TMEM51: variants seen among roughly 807,000 people sequenced by gnomAD.
TMEM51 encodes transmembrane protein 51.
In TMEM51, 8 loss-of-function variants were observed where a neutral mutation model predicts 13.6. The observed-to-expected ratio is 0.59, with a 90% CI of 0.35 to 1.07. TMEM51 has a LOEUF of 1.07. Ranked by LOEUF, TMEM51 falls within the 50% of genes least tolerant of loss-of-function variation. The pLI is 0.02. For synonymous variants in TMEM51, 147 were observed against 144.4 expected (o/e 1.02, Z -0.13); for missense variants, 279 against 330.7 (o/e 0.84, Z 1.21).
chr1:15,169,806 C>G (rs538341097), intron 1 of TMEM51, among the ~76,000 whole-genome samples: 2 of 152,198 alleles, frequency 1.3e-5, no homozygotes, highest in Middle Eastern at 3.4e-3. Context: ...ACGAAGCTGT[C>G]CATTTTTTAT....
intron 1 of TMEM51, among the ~76,000 whole-genome samples, chr1:15,184,241 G>T (rs1439360529): frequency 6.6e-6 from 1 of 152,192 alleles, no homozygotes; most frequent in Non-Finnish European, 1.5e-5. Flanking sequence ...TGGCCAGGAT[G>T]ATCTTGATCT....
At chr1:15,171,802 C>T (rs754051385) in intron 1 of TMEM51, among the ~76,000 whole-genome samples, 3 of 152,160 alleles carry the variant, frequency 2.0e-5, no homozygotes, top group African/African-American at 4.8e-5. Flanking sequence ...CAGTCCTTGC[C>T]GCGGAACCTC....
At chr1:15,210,342 G>T (rs1225447670) in intron 1 of TMEM51, 148 bp from the exon 2 acceptor site, 1 of 152,002 alleles carries the variant, frequency 6.6e-6, no homozygotes, top group Admixed American at 6.6e-5. Context: ...GCTTCTTCTG[G>T]TACCACTTGT....
chr1:15,210,922 A>G (rs1198961703), intron 2 of TMEM51, among the ~76,000 whole-genome samples: 2 of 152,230 alleles, frequency 1.3e-5, no homozygotes, highest in Non-Finnish European at 2.9e-5. Context: ...TACAGACCCC[A>G]TAGACCCATC....
chr1:15,181,897 C>T (rs547444252), intron 1 of TMEM51, among the ~76,000 whole-genome samples: 228 of 152,200 alleles, frequency 1.5e-3, no homozygotes, highest in African/African-American at 5.3e-3. Flanking sequence ...TGGTGTCTCA[C>T]GCCTGTTAAT....
intron 1 of TMEM51, among the ~76,000 whole-genome samples, chr1:15,191,637 G>A (rs1159499540): frequency 6.6e-6 from 1 of 152,200 alleles, no homozygotes; most frequent in African/African-American, 2.4e-5. Context: ...GAGCACGGCT[G>A]TGAGATGACT....
chr1:15,160,449 T>C (rs1421478379), intron 1 of TMEM51, among the ~76,000 whole-genome samples: 1 of 152,056 alleles, frequency 6.6e-6, no homozygotes, highest in African/African-American at 2.4e-5. Flanking sequence ...AATTTTTGTA[T>C]TTTTAATAGA....
At chr1:15,165,805 C>T (rs1262900041) in intron 1 of TMEM51, among the ~76,000 whole-genome samples, 1 of 152,094 alleles carries the variant, frequency 6.6e-6, no homozygotes, top group South Asian at 2.1e-4. Context: ...TTGATGAATA[C>T]TGATGATACG....
intron 1 of TMEM51, among the ~76,000 whole-genome samples, chr1:15,155,857 G>A (rs542321157): frequency 4.6e-5 from 7 of 152,288 alleles, no homozygotes; most frequent in Admixed American, 1.3e-4. Flanking sequence ...GGAGAAAGAC[G>A]TCCCTTTCAT....
chr1:15,210,711 G>A (rs1392140033), intron 2 of TMEM51, 149 bp downstream of exon 2: 3 of 152,268 alleles, frequency 2.0e-5, no homozygotes, highest in African/African-American at 4.8e-5. Context: ...CAGGACCCCA[G>A]ACTGCCCACC....
rs1573440615 is a variant in TMEM51, at chr1:15,205,562, G to A, written c.-266-4928G>A. Among the ~76,000 whole-genome samples the A allele has an allele frequency of 2.0e-5, 3 of 152,120 alleles. No individual in the cohort carries two copies. In the East Asian group the frequency reaches 5.8e-4, roughly 29 times the overall value. On this transcript the variant is annotated intron_variant, in intron 1 of 3. Coordinates refer to ENST00000376008, the MANE Select transcript of TMEM51 (RefSeq NM_001136218.2). ...TTCTTTTTGGAAGCTCTTCAGACAC[G>A]CTCCATTTTGGCAGTGCTACTTGGT...
At chr1:15,181,448 A>G (rs1160879560) in intron 1 of TMEM51, among the ~76,000 whole-genome samples, 3 of 152,180 alleles carry the variant, frequency 2.0e-5, no homozygotes, top group Non-Finnish European at 4.4e-5. Flanking sequence ...AACTACATCC[A>G]GGGACTCTTA....
At chr1:15,195,264 C>A (rs1644025256) in intron 1 of TMEM51, among the ~76,000 whole-genome samples, 1 of 152,040 alleles carries the variant, frequency 6.6e-6, no homozygotes, top group African/African-American at 2.4e-5. Context: ...TTCCTGGCAA[C>A]CACATCTTTT....
At chr1:15,176,300 C>T (rs1474350379) in intron 1 of TMEM51, among the ~76,000 whole-genome samples, 1 of 152,180 alleles carries the variant, frequency 6.6e-6, no homozygotes, top group Non-Finnish European at 1.5e-5. Context: ...AGTGAGAACA[C>T]AGGTGTTCAG....
intron 1 of TMEM51, among the ~76,000 whole-genome samples, chr1:15,204,843 A>C (rs1399290918): frequency 6.6e-6 from 1 of 151,896 alleles, no homozygotes; most frequent in African/African-American, 2.4e-5. Flanking sequence ...GGACTAGAGT[A>C]CTGGGGGTCT....
intron 1 of TMEM51, among the ~76,000 whole-genome samples, chr1:15,160,839 C>A (rs1019073471): frequency 6.6e-6 from 1 of 151,892 alleles, no homozygotes; most frequent in Non-Finnish European, 1.5e-5. Context: ...AGCCCAGGAA[C>A]GAGGGAGAGT....
At chr1:15,218,860 A>G (rs1328824594) in intron 3 of TMEM51, among the ~76,000 whole-genome samples, 1 of 152,074 alleles carries the variant, frequency 6.6e-6, no homozygotes, top group Non-Finnish European at 1.5e-5. Flanking sequence ...CCCACCCCTT[A>G]ATTTGCATGT....
intron 1 of TMEM51, among the ~76,000 whole-genome samples, chr1:15,195,365 T>C (rs78913253): frequency 0.015 from 2,317 of 152,304 alleles, 64 homozygotes; most frequent in African/African-American, 0.052. Context: ...GTAATTAATA[T>C]AAAAATGTTA....
chr1:15,180,138 G>A (rs1029143005), intron 1 of TMEM51, among the ~76,000 whole-genome samples: 1 of 152,206 alleles, frequency 6.6e-6, no homozygotes, highest in African/African-American at 2.4e-5. Context: ...CCCAGCCTGC[G>A]GTGGGCACCA....
Sources: gnomAD v4.1 joint callset for allele counts (sites outside exome capture counted in the v4.1 genomes callset) on GRCh38, gnomAD v4.1.1 for gene constraint, MANE v1.5 for transcripts, NCBI Gene and HGNC (gene_info 2026-07-23, HGNC 2026-07-21) for gene names.